TLL1: variants seen among roughly 807,000 people sequenced by gnomAD.
TLL1 encodes the protein tolloid like 1, also known as tolloid-like protein 1.
TLL1 carries 49 observed loss-of-function variants against 128.2 expected under a neutral mutation model. The observed-to-expected ratio is 0.38, with a 90% CI of 0.30 to 0.48. TLL1 has a LOEUF of 0.48. Ranked by LOEUF, TLL1 falls within the 20% of genes least tolerant of loss-of-function variation. The pLI, the probability that TLL1 is intolerant of heterozygous loss-of-function variation, is 0.96. For synonymous variants in TLL1, 454 were observed against 418.8 expected, an observed-to-expected ratio of 1.08 and a Z score of -1.03; for missense variants, 1,123 against 1,242.0, an observed-to-expected ratio of 0.90 and a Z score of 1.44.
At chr4:165,977,715 G>A (rs1362679977) in intron 1 of TLL1, among the ~76,000 whole-genome samples, 2 of 152,080 alleles carry the variant, frequency 1.3e-5, no homozygotes, top group Non-Finnish European at 2.9e-5. Context: ...TCTTCAATGA[G>A]AGAAAATTAA....
chr4:165,900,627 T>C (rs991125416), intron 1 of TLL1, among the ~76,000 whole-genome samples: 1 of 152,182 alleles, frequency 6.6e-6, no homozygotes, highest in Non-Finnish European at 1.5e-5. Context: ...TGGACTTCCC[T>C]TTGCGGATAA....
intron 7 of TLL1, among the ~76,000 whole-genome samples, chr4:166,010,065 CAT>C (rs1737618379): frequency 6.6e-6 from 1 of 151,378 alleles, no homozygotes; most frequent in South Asian, 2.1e-4. Context: ...TAACTGGAGA[CAT>C]ATAGTATTTG....
chr4:166,063,830 A>G (rs1229682231), intron 15 of TLL1, among the ~76,000 whole-genome samples: 1 of 152,068 alleles, frequency 6.6e-6, no homozygotes, highest in Non-Finnish European at 1.5e-5. Context: ...ATCACGCCAC[A>G]CACCGGGGCC....
chr4:166,063,922 C>G (rs1326538406), intron 15 of TLL1, among the ~76,000 whole-genome samples: 1 of 151,794 alleles, frequency 6.6e-6, no homozygotes, highest in Admixed American at 6.6e-5. Context: ...GTGCAGCATA[C>G]CAACATGGCA....
At chr4:165,946,166 C>T (rs1734239127) in intron 1 of TLL1, among the ~76,000 whole-genome samples, 1 of 152,050 alleles carries the variant, frequency 6.6e-6, no homozygotes, top group Non-Finnish European at 1.5e-5. Flanking sequence ...GAACTGAATT[C>T]TGCCAACACT....
chr4:165,898,850 T>A (rs891567830), intron 1 of TLL1, among the ~76,000 whole-genome samples: 9 of 152,194 alleles, frequency 5.9e-5, no homozygotes, highest in Admixed American at 2.6e-4. Context: ...TGTGAATCTG[T>A]CTGGTCCTGG....
intron 16 of TLL1, among the ~76,000 whole-genome samples, chr4:166,069,688 A>C (rs1740723979): frequency 6.6e-6 from 1 of 151,802 alleles, no homozygotes; most frequent in Non-Finnish European, 1.5e-5. Flanking sequence ...TTTAAGAAAT[A>C]ACATTGAAGG....
At chr4:165,956,961 AAAC>A (rs1734832308) in intron 1 of TLL1, among the ~76,000 whole-genome samples, 1 of 152,068 alleles carries the variant, frequency 6.6e-6, no homozygotes, top group African/African-American at 2.4e-5. Context: ...TGCATCTACA[AAAC>A]AACCAGCTAA....
chr4:165,888,801 A>T (rs1355537493), intron 1 of TLL1, among the ~76,000 whole-genome samples: 1 of 152,032 alleles, frequency 6.6e-6, no homozygotes, highest in Non-Finnish European at 1.5e-5. Flanking sequence ...TCTTCCTTAT[A>T]CTTAGAAGCC....
chr4:165,990,558 T>G (rs1430573787), intron 2 of TLL1, among the ~76,000 whole-genome samples: 1 of 151,944 alleles, frequency 6.6e-6, no homozygotes, highest in East Asian at 1.9e-4. Flanking sequence ...GATTCAGCAG[T>G]TTTTAACAGT....
intron 1 of TLL1, among the ~76,000 whole-genome samples, chr4:165,943,589 T>A (rs1734116019): frequency 6.6e-6 from 1 of 152,106 alleles, no homozygotes; most frequent in Non-Finnish European, 1.5e-5. Context: ...GAATATTAAG[T>A]AAATCATGAG....
intron 1 of TLL1, among the ~76,000 whole-genome samples, chr4:165,967,185 G>T (rs1469371347): frequency 1.3e-5 from 2 of 152,166 alleles, no homozygotes; most frequent in Admixed American, 6.5e-5. Flanking sequence ...CGGGCAGTCA[G>T]GCCCAATGGT....
intron 1 of TLL1, among the ~76,000 whole-genome samples, chr4:165,932,944 A>G (rs188699653): frequency 2.6e-4 from 39 of 152,328 alleles, no homozygotes; most frequent in African/African-American, 9.1e-4. Context: ...AACTATACAT[A>G]AGACACTTAT....
chr4:165,924,916 T>C (rs969565001), intron 1 of TLL1, among the ~76,000 whole-genome samples: 1 of 152,210 alleles, frequency 6.6e-6, no homozygotes, highest in Non-Finnish European at 1.5e-5. Context: ...CTGTGTTCTG[T>C]ATATGGAACA....
intron 1 of TLL1, among the ~76,000 whole-genome samples, chr4:165,907,543 T>C (rs934650492): frequency 6.7e-6 from 1 of 149,752 alleles, no homozygotes; most frequent in Non-Finnish European, 1.5e-5. Flanking sequence ...ATTAATTTAA[T>C]GCAAGCCTTT....
intron 1 of TLL1, among the ~76,000 whole-genome samples, chr4:165,903,802 G>C (rs1324006370): frequency 6.6e-6 from 1 of 151,012 alleles, no homozygotes; most frequent in African/African-American, 2.4e-5. Context: ...AAAGACACTT[G>C]GTGATCACAA....
At chr4:165,944,594 G>A (rs990829193) in intron 1 of TLL1, among the ~76,000 whole-genome samples, 1 of 152,096 alleles carries the variant, frequency 6.6e-6, no homozygotes, top group African/African-American at 2.4e-5. Context: ...AGCAGGAGAT[G>A]ACAAAGTGAA....
At chr4:165,969,791 T>G (rs997186181) in intron 1 of TLL1, among the ~76,000 whole-genome samples, 1 of 152,182 alleles carries the variant, frequency 6.6e-6, no homozygotes, top group Admixed American at 6.5e-5. Context: ...TTTTTCTTAT[T>G]AAAATGTTAA....
At chr4:165,919,481 TTAC>T (rs1393265519) in intron 1 of TLL1, among the ~76,000 whole-genome samples, 1 of 152,008 alleles carries the variant, frequency 6.6e-6, no homozygotes, top group East Asian at 1.9e-4. Flanking sequence ...TATGATATTA[TTAC>T]AATTTTGTTG....
Sources: allele counts gnomAD v4.1 joint callset (sites outside exome capture counted in the v4.1 genomes callset), GRCh38; gene constraint gnomAD v4.1.1; transcripts MANE v1.5; gene names NCBI Gene and HGNC (gene_info 2026-07-23, HGNC 2026-07-21).